The following FAM186A variants were observed in gnomAD, a reference collection of about 807,000 sequenced individuals.
FAM186A encodes family with sequence similarity 186 member A.
In FAM186A, 163 loss-of-function variants were observed where a neutral mutation model predicts 216.8. The observed-to-expected ratio is 0.75, with a 90% CI of 0.66 to 0.86. The LOEUF (loss-of-function observed/expected upper bound fraction) is 0.86. FAM186A is among the 40% of genes least tolerant of loss of function. FAM186A has a pLI of 0.00. For synonymous variants in FAM186A, 805 were observed against 1,025.3 expected (o/e 0.79, Z 4.10); for missense variants, 2,184 against 2,746.2 (o/e 0.80, Z 4.58).
At chr12:50,329,764 T>C (rs1942638801) in intron 7 of FAM186A, among the ~76,000 whole-genome samples, 1 of 152,068 alleles carries the variant, frequency 6.6e-6, no homozygotes, top group Non-Finnish European at 1.5e-5. Flanking sequence ...GCCCAGCTAA[T>C]GTTGTATTTT....
chr12:50,363,083 A>T, intron 2 of FAM186A, 62 bp downstream of exon 2: 1 of 1,328,318 alleles, frequency 7.5e-7, no homozygotes, highest in Non-Finnish European at 1.0e-6. Flanking sequence ...ATTTACTTAT[A>T]TATTCTCTTC....
intron 4 of FAM186A, among the ~76,000 whole-genome samples, chr12:50,346,912 A>ACATG (rs1413915896): frequency 6.6e-6 from 1 of 151,190 alleles, no homozygotes; most frequent in Non-Finnish European, 1.5e-5. Context: ...ATGTGGTCAC[A>ACATG]CATGCACACA....
intron 4 of FAM186A, 72 bp from the exon 5 acceptor site, chr12:50,334,175 C>A: frequency 9.0e-6 from 9 of 1,004,134 alleles, no homozygotes; most frequent in South Asian, 2.2e-5. Flanking sequence ...TCCTCAGTTT[C>A]TTTTTTTTTT....
At chr12:50,367,513 T>C (rs1943101086) in intron 1 of FAM186A, among the ~76,000 whole-genome samples, 1 of 22,512 alleles carries the variant, frequency 4.4e-5, no homozygotes, top group South Asian at 1.3e-3. Flanking sequence ...CGAGACTCTG[T>C]CTCAAAAAAA....
At chr12:50,376,346 C>T (rs1943197938) in intron 1 of FAM186A, among the ~76,000 whole-genome samples, 3 of 152,144 alleles carry the variant, frequency 2.0e-5, no homozygotes, top group African/African-American at 7.2e-5. Context: ...TGGAGAGGAG[C>T]TTTACTGAGC....
At position 50,356,106 on chromosome 12, in the gene FAM186A, C is replaced by T. The variant is rs1942974278; in HGVS notation, c.726G>A (p.Gln242=). 1 of 1,551,470 alleles carries T rather than the reference C, an allele frequency of 6.4e-7. No homozygotes were observed. The highest frequency in any genetic ancestry group is 1.4e-5 in the African/African-American group (1 of 73,026). Residue 242 remains glutamine, a synonymous_variant, in exon 4 of 8, where the codon CAG becomes CAA. Coordinates refer to ENST00000327337, the MANE Select transcript of FAM186A (RefSeq NM_001145475.3). Reference sequence around the variant, plus strand: ...TGAACATTGTGGTGCCTATGAGTTCCTGTAGCATACCTTGGATTTCTGAAA... The same window carrying T: ...TGAACATTGTGGTGCCTATGAGTTCTTGTAGCATACCTTGGATTTCTGAAA... ...TKVSEIQGML[Q]ELIGTTMFST...
At chr12:50,388,823 C>T (rs73111606) in intron 1 of FAM186A, among the ~76,000 whole-genome samples, 4,509 of 150,748 alleles carry the variant, frequency 0.03, 100 homozygotes, top group South Asian at 0.046. Context: ...GAGGTCGAAG[C>T]GAGCAGATCA....
intron 1 of FAM186A, among the ~76,000 whole-genome samples, chr12:50,370,458 T>G (rs536458928): frequency 2.6e-5 from 4 of 152,168 alleles, no homozygotes; most frequent in Non-Finnish European, 5.9e-5. Context: ...GATATACTAC[T>G]TCATACCCAT....
chr12:50,338,689 G>A (rs1942734524), intron 4 of FAM186A, among the ~76,000 whole-genome samples: 1 of 151,894 alleles, frequency 6.6e-6, no homozygotes, highest in Admixed American at 6.6e-5. Context: ...AGTATAATAG[G>A]TAGTATAGTA....
In FAM186A at chr12:50,352,490, T is replaced by G; in HGVS notation, c.4342A>C (p.Thr1448Pro). 6.7e-7 allele frequency: 1 copy of G among 1,493,204 alleles called. No individual in the cohort carries two copies. The highest frequency in any genetic ancestry group is 9.0e-7 in the Non-Finnish European group (1 of 1,114,794). The allele number at this position is 1,493,204 out of a possible 1,614,324, so 92.5% of individuals were successfully genotyped here. ...CCCAGCTCCTGAGCCTGCTGAGCGG[T>G]GAGAGGCATCCCCAGGGCCTGGGCC... Reference protein sequence around the residue: ...QQAQALGMPLTAQQAQELGIT... With the variant: ...QQAQALGMPLPAQQAQELGIT... The change falls in exon 4 of 8, where the codon ACC becomes CCC. Residue 1448 changes from threonine to proline, a missense_variant. Thr to Pro is a conservative substitution (Grantham distance 38, BLOSUM62 -1). Coordinates refer to ENST00000327337, the MANE Select transcript of FAM186A (RefSeq NM_001145475.3).
intron 1 of FAM186A, among the ~76,000 whole-genome samples, chr12:50,365,163 A>T (rs1482768224): frequency 6.6e-6 from 1 of 152,214 alleles, no homozygotes; most frequent in Non-Finnish European, 1.5e-5. Flanking sequence ...TTCTCCAAGA[A>T]AATTTCACCA....
intron 1 of FAM186A, among the ~76,000 whole-genome samples, chr12:50,389,537 G>A (rs1943338574): frequency 6.6e-6 from 1 of 152,108 alleles, no homozygotes; most frequent in African/African-American, 2.4e-5. Flanking sequence ...TGGTTTTGCA[G>A]GTAAATTCTA....
At chr12:50,375,574 A>T (rs1358995475) in intron 1 of FAM186A, among the ~76,000 whole-genome samples, 11 of 150,908 alleles carry the variant, frequency 7.3e-5, no homozygotes, top group African/African-American at 1.9e-4. Context: ...AAAAGTAGCC[A>T]GGTATGGTGG....
In FAM186A at chr12:50,352,070, C is replaced by A. The variant is rs1358060988; in HGVS notation, c.4762G>T (p.Gly1588Trp). The A allele has an allele frequency of 4.6e-6, 7 of 1,517,324 alleles. No homozygotes were observed. In the African/African-American group the frequency reaches 9.8e-5, roughly 21 times the overall value. 94.0% of individuals were successfully genotyped at this position (1,517,324 alleles called of 1,614,324 possible). ...PLTPQQAQEL[G>W]IPLTPQQAQE... ...GCCTGCTGAGGGGTGAGAGGGATCC[C>A]CAGTTCCTGCGCCTGCTGAGGGGTG... The change falls in exon 4 of 8, where the codon GGG becomes TGG. Residue 1588 changes from glycine (G) to tryptophan (W), a missense_variant. This residue lies in a region of FAM186A where 16 missense variants were observed against 91.3 expected (regional missense o/e 0.18). Transcript: ENST00000327337.
chr12:50,391,553 A>T (rs1410185650), intron 1 of FAM186A, among the ~76,000 whole-genome samples: 2 of 151,676 alleles, frequency 1.3e-5, no homozygotes, highest in East Asian at 3.9e-4. Context: ...TGACCTTGTG[A>T]TCCGCCTGCC....
Position 50,343,718 on chromosome 12 carries a change from A to G in FAM186A, c.6503+6611T>C, listed in dbSNP as rs1347573826. ...ACTGCAACCTCCACCTCCCGGGTTC[A>G]AGCCATTCTCCTGCCTCAGCCTCCA... On this transcript the variant is annotated intron_variant, in intron 4 of 7. Transcript: ENST00000327337. 6.6e-5 allele frequency among the ~76,000 whole-genome samples: 10 copies of G among 152,298 alleles called. No homozygotes were observed. The South Asian group carries it at 1.9e-3, about 28-fold the overall frequency.
chr12:50,327,484 A>G (rs1469581691), intron 7 of FAM186A, 80 bp from the exon 8 acceptor site: 1 of 1,005,530 alleles, frequency 9.9e-7, no homozygotes, highest in Non-Finnish European at 1.5e-6. Context: ...GTCATAGGGA[A>G]AATAAAAGTG....
intron 2 of FAM186A, among the ~76,000 whole-genome samples, chr12:50,361,492 C>A (rs1943035013): frequency 6.6e-6 from 1 of 151,944 alleles, no homozygotes; most frequent in South Asian, 2.1e-4. Context: ...AGCCACCACA[C>A]CCGGCCTATG....
intron 1 of FAM186A, among the ~76,000 whole-genome samples, chr12:50,367,428 G>T (rs1014508035): frequency 2.0e-5 from 3 of 149,748 alleles, no homozygotes; most frequent in Non-Finnish European, 4.4e-5. Context: ...TGAGGCAGGA[G>T]AATGGCGTGA....
Sources: gnomAD v4.1 joint callset for allele counts (sites outside exome capture counted in the v4.1 genomes callset) on GRCh38, gnomAD v4.1.1 for gene constraint, gnomAD v4.1.1 regional missense constraint, MANE v1.5 for transcripts, NCBI Gene and HGNC (gene_info 2026-07-23, HGNC 2026-07-21) for gene names.